The following JAK1 variants were observed in gnomAD, a reference collection of about 807,000 sequenced individuals.
The protein encoded by JAK1 is tyrosine-protein kinase JAK1.
Under a neutral mutation model 136.6 loss-of-function variants are expected in JAK1, and 16 were observed. The ratio of observed to expected loss-of-function variants is 0.12; its 90% CI spans 0.08 to 0.18. JAK1 has a LOEUF of 0.18. JAK1 is among the 10% of genes least tolerant of loss of function. The pLI, the probability that JAK1 is intolerant of heterozygous loss-of-function variation, is 1.00. For synonymous variants in JAK1, 492 were observed against 519.5 expected, an observed-to-expected ratio of 0.95 and a Z score of 0.72; for missense variants, 859 against 1,450.1, an observed-to-expected ratio of 0.59 and a Z score of 6.62.
At chr1:64,927,612 A>C (rs1365635249) in intron 1 of JAK1, among the ~76,000 whole-genome samples, 2 of 152,240 alleles carry the variant, frequency 1.3e-5, no homozygotes, top group East Asian at 3.9e-4. Context: ...TTGAATTAAT[A>C]AATGAATGAA....
chr1:65,007,231 C>G (rs545326439), intron 2 of JAK1, among the ~76,000 whole-genome samples: 1 of 152,090 alleles, frequency 6.6e-6, no homozygotes. Context: ...GGTGGGTTCC[C>G]GAAAGGAAGA....
intron 1 of JAK1, among the ~76,000 whole-genome samples, chr1:64,939,183 T>C (rs901102133): frequency 2.6e-5 from 4 of 152,246 alleles, no homozygotes; most frequent in Non-Finnish European, 5.9e-5. Context: ...GGCACACTTT[T>C]CTGGCTGCCA....
intron 1 of JAK1, among the ~76,000 whole-genome samples, chr1:64,944,890 G>T (rs1276476213): frequency 6.6e-6 from 1 of 151,880 alleles, no homozygotes; most frequent in East Asian, 1.9e-4. Context: ...TAAAAAAACA[G>T]AACAAAAACT....
At chr1:65,047,179 C>G (rs924871349) in intron 1 of JAK1, among the ~76,000 whole-genome samples, 4 of 151,926 alleles carry the variant, frequency 2.6e-5, no homozygotes, top group African/African-American at 7.3e-5. Flanking sequence ...AACCCTGTCT[C>G]CAAAAAATTT....
intron 1 of JAK1, among the ~76,000 whole-genome samples, chr1:65,049,168 T>C (rs539021695): frequency 6.6e-6 from 1 of 152,162 alleles, no homozygotes; most frequent in African/African-American, 2.4e-5. Flanking sequence ...ATGCCTGTAA[T>C]CCCAGTACTT....
intron 1 of JAK1, among the ~76,000 whole-genome samples, chr1:65,064,392 A>G (rs1055734995): frequency 6.6e-6 from 1 of 152,234 alleles, no homozygotes; most frequent in African/African-American, 2.4e-5. Flanking sequence ...TTACCCCATC[A>G]ACCAGAAAGT....
At chr1:64,911,533 A>C (rs1297933212) in intron 1 of JAK1, among the ~76,000 whole-genome samples, 1 of 152,256 alleles carries the variant, frequency 6.6e-6, no homozygotes, top group Non-Finnish European at 1.5e-5. Flanking sequence ...CATGCCAAAA[A>C]GATGACTGAA....
chr1:64,976,332 T>C (rs10749749), intron 2 of JAK1, among the ~76,000 whole-genome samples: 37,001 of 152,198 alleles, frequency 0.24, 6,275 homozygotes, highest in African/African-American at 0.47. Flanking sequence ...CCATGCATTT[T>C]GAGATTTTAT....
intron 8 of JAK1, among the ~76,000 whole-genome samples, chr1:64,862,036 A>C (rs1570658047): frequency 6.6e-6 from 1 of 152,352 alleles, no homozygotes; most frequent in Middle Eastern, 3.4e-3. Flanking sequence ...GAAGTGATAC[A>C]TGAAGGTCTG....
chr1:65,035,037 C>G (rs1342802896), intron 2 of JAK1, among the ~76,000 whole-genome samples: 1 of 151,362 alleles, frequency 6.6e-6, no homozygotes, highest in African/African-American at 2.4e-5. Flanking sequence ...GCTTGGGCAA[C>G]AAGAGTGAAA....
intron 1 of JAK1, among the ~76,000 whole-genome samples, chr1:64,910,768 T>C (rs1224543904): frequency 6.9e-6 from 1 of 145,666 alleles, no homozygotes; most frequent in African/African-American, 2.6e-5. Flanking sequence ...AGTTTGAACC[T>C]GGGAGGCAGA....
intron 1 of JAK1, among the ~76,000 whole-genome samples, chr1:64,901,858 GA>G (rs1645110286): frequency 6.6e-6 from 1 of 152,072 alleles, no homozygotes; most frequent in South Asian, 2.1e-4. Flanking sequence ...ACATTTCATA[GA>G]AATTGAATCA....
At chr1:65,032,952 T>G (rs1379225931) in intron 2 of JAK1, among the ~76,000 whole-genome samples, 1 of 152,226 alleles carries the variant, frequency 6.6e-6, no homozygotes, top group Non-Finnish European at 1.5e-5. Flanking sequence ...TAAAATATTT[T>G]CCAGCCTTCC....
chr1:64,952,931 G>A (rs1646117439), intron 1 of JAK1, among the ~76,000 whole-genome samples: 1 of 152,172 alleles, frequency 6.6e-6, no homozygotes, highest in African/African-American at 2.4e-5. Flanking sequence ...AGGAAACTGA[G>A]GCACAAAGCG....
chr1:64,848,258 G>A (rs574256108), intron 12 of JAK1, among the ~76,000 whole-genome samples: 15 of 152,332 alleles, frequency 9.8e-5, no homozygotes, highest in African/African-American at 2.9e-4. Context: ...AGGCACACGG[G>A]GGGATGCGTA....
At chr1:65,011,756 T>TCCA (rs1453090719) in intron 2 of JAK1, among the ~76,000 whole-genome samples, 4 of 152,130 alleles carry the variant, frequency 2.6e-5, no homozygotes, top group Non-Finnish European at 5.9e-5. Flanking sequence ...CTCTTCCTGT[T>TCCA]CTAGTGGATG....
intron 1 of JAK1, among the ~76,000 whole-genome samples, chr1:65,047,876 G>C (rs1647202268): frequency 6.6e-6 from 1 of 152,064 alleles, no homozygotes. Context: ...GGACAGGGAG[G>C]GGGATGTGGC....
At chr1:64,877,754 T>C (rs1173260525) in intron 4 of JAK1, among the ~76,000 whole-genome samples, 1 of 152,118 alleles carries the variant, frequency 6.6e-6, no homozygotes, top group Non-Finnish European at 1.5e-5. Flanking sequence ...CCTTCCAGAC[T>C]TCAAACTGCA....
At chr1:64,897,757 T>C (rs1645045752) in intron 1 of JAK1, among the ~76,000 whole-genome samples, 1 of 53,218 alleles carries the variant, frequency 1.9e-5, no homozygotes, top group Non-Finnish European at 7.3e-5. Context: ...CCCAGATTCA[T>C]GTGAATTCCT....
Sources: gnomAD v4.1 joint callset for allele counts (sites outside exome capture counted in the v4.1 genomes callset) on GRCh38, gnomAD v4.1.1 for gene constraint, MANE v1.5 for transcripts, NCBI Gene and HGNC (gene_info 2026-07-23, HGNC 2026-07-21) for gene names.